The following CDH13 variants were observed in gnomAD, a reference collection of about 807,000 sequenced individuals.
CDH13 encodes cadherin 13.
Under a neutral mutation model 63.8 loss-of-function variants are expected in CDH13, and 24 were observed. The observed-to-expected ratio is 0.38, with a 90% CI of 0.27 to 0.53. The LOEUF (loss-of-function observed/expected upper bound fraction) is 0.53. Among genes scored for constraint, CDH13 ranks in the 20% least tolerant of loss-of-function variants. The pLI is 0.85. For missense variants in CDH13, 1,049 were observed against 903.1 expected (o/e 1.16, Z -2.07); for synonymous variants, 503 against 355.3 (o/e 1.42, Z -4.67).
At chr16:82,764,815 C>CT (rs567333858) in intron 1 of CDH13, among the ~76,000 whole-genome samples, 9,041 of 135,212 alleles carry the variant, frequency 0.067, 450 homozygotes, top group East Asian at 0.28. Flanking sequence ...TTCATTCATT[C>CT]TTTTTTTTTT....
chr16:83,597,905 G>C (rs1907424503), intron 7 of CDH13, among the ~76,000 whole-genome samples: 1 of 152,126 alleles, frequency 6.6e-6, no homozygotes, highest in South Asian at 2.1e-4. Context: ...GCTAAGCTTT[G>C]ATTTATTTTA....
In CDH13 at chr16:83,030,789, T is replaced by G. The variant is rs543845739; in HGVS notation, c.158-1221T>G. On this transcript the variant is annotated intron_variant, in intron 2 of 13. Transcript: ENST00000567109. ...CGTCCAGGGCTACCAGAAAGCACCA[T>G]AACTTACTGGCTTTTCCCAACTTGT... is the stretch of plus-strand genomic sequence containing the variant. Among the ~76,000 whole-genome samples the G allele has an allele frequency of 2.0e-4, 31 of 151,546 alleles. No individual in the cohort carries two copies. In the South Asian group the frequency reaches 6.3e-3, roughly 31 times the overall value.
chr16:83,475,313 C>T (rs771066374), intron 6 of CDH13, among the ~76,000 whole-genome samples: 14 of 152,162 alleles, frequency 9.2e-5, no homozygotes, highest in Non-Finnish European at 1.8e-4. Flanking sequence ...CTGACTGAAG[C>T]GTTCAATGAG....
chr16:83,353,529 C>G (rs991606739), intron 6 of CDH13, among the ~76,000 whole-genome samples: 2 of 152,234 alleles, frequency 1.3e-5, no homozygotes, highest in Non-Finnish European at 2.9e-5. Flanking sequence ...GAGTATCTAA[C>G]CAACCAACAG....
At chr16:83,727,221 T>C (rs1397786519) in intron 10 of CDH13, among the ~76,000 whole-genome samples, 1 of 152,120 alleles carries the variant, frequency 6.6e-6, no homozygotes, top group Admixed American at 6.5e-5. Context: ...ACCAGCTTCC[T>C]GTCTCTGTGG....
chr16:82,851,291 T>G (rs1467989071), intron 1 of CDH13, among the ~76,000 whole-genome samples: 1 of 151,872 alleles, frequency 6.6e-6, no homozygotes. Flanking sequence ...AAAAATTAGC[T>G]GGGCATAGTG....
chr16:82,839,653 G>A (rs2038924899), intron 1 of CDH13, among the ~76,000 whole-genome samples: 1 of 152,278 alleles, frequency 6.6e-6, no homozygotes, highest in East Asian at 1.9e-4. Context: ...GCCAGATGGG[G>A]TCTGTGGCCA....
intron 4 of CDH13, among the ~76,000 whole-genome samples, chr16:83,205,591 C>A (rs73606382): frequency 0.039 from 5,578 of 143,672 alleles, 322 homozygotes; most frequent in African/African-American, 0.13. Context: ...AAATGGTGCC[C>A]AAGAGGAAAA....
At chr16:82,694,689 A>C (rs2030041972) in intron 1 of CDH13, among the ~76,000 whole-genome samples, 1 of 152,156 alleles carries the variant, frequency 6.6e-6, no homozygotes, top group African/African-American at 2.4e-5. Flanking sequence ...TCCAAATATA[A>C]ATAAGGACCT....
At chr16:83,246,921 G>A (rs1905049954) in intron 5 of CDH13, among the ~76,000 whole-genome samples, 1 of 152,196 alleles carries the variant, frequency 6.6e-6, no homozygotes, top group Non-Finnish European at 1.5e-5. Context: ...CTTCTCTAAT[G>A]CAGCTCTCTG....
intron 10 of CDH13, among the ~76,000 whole-genome samples, chr16:83,681,736 C>G (rs1598469114): frequency 2.6e-5 from 4 of 152,336 alleles, no homozygotes. Flanking sequence ...ATCCTGCACA[C>G]TGAGAAGTGC....
chr16:83,630,483 G>C (rs112265069), intron 8 of CDH13, among the ~76,000 whole-genome samples: 1 of 152,302 alleles, frequency 6.6e-6, no homozygotes, highest in Admixed American at 6.5e-5. Flanking sequence ...GAGAGTGGGC[G>C]ATCAGGGAGC....
rs1360511908 is a variant in CDH13, at chr16:83,687,344, G to A, written c.1538+8883G>A. Among the ~76,000 whole-genome samples, 14 of 152,314 alleles carry A rather than the reference G, an allele frequency of 9.2e-5. No homozygotes were observed. In the East Asian group the frequency reaches 9.6e-4, roughly 10 times the overall value. On this transcript the variant is annotated intron_variant, in intron 10 of 13. Transcript: ENST00000567109. ...GCTCTGCAGGCTATATAGGAAGCAT[G>A]GCAGCATCCACTCAGCTTTTGGGGA...
chr16:82,865,683 T>C (rs1210116643), intron 2 of CDH13, among the ~76,000 whole-genome samples: 1 of 152,218 alleles, frequency 6.6e-6, no homozygotes, highest in Non-Finnish European at 1.5e-5. Flanking sequence ...ACCTCTGAGA[T>C]GCCCTGGAGA....
chr16:83,000,248 T>A (rs1309719630), intron 2 of CDH13, among the ~76,000 whole-genome samples: 5 of 124,098 alleles, frequency 4.0e-5, no homozygotes, highest in African/African-American at 9.0e-5. Flanking sequence ...TTTTTTTTTT[T>A]TTTTTTTTTT....
chr16:82,930,544 T>C (rs1013707498), intron 2 of CDH13, among the ~76,000 whole-genome samples: 1 of 152,218 alleles, frequency 6.6e-6, no homozygotes, highest in African/African-American at 2.4e-5. Context: ...ATTTTATTTT[T>C]TTAGAAATAA....
rs536385390 is a variant in CDH13 at position 83,360,181 on chromosome 16, C to T, written c.781+15175C>T. Among the ~76,000 whole-genome samples, 25 of 152,292 alleles carry T rather than the reference C, an allele frequency of 1.6e-4. 1 individual carries two copies. The East Asian group carries it at 3.1e-3, about 19-fold the overall frequency. On this transcript the variant is annotated intron_variant, in intron 6 of 13. Coordinates refer to ENST00000567109, the MANE Select transcript of CDH13 (RefSeq NM_001257.5). The stretch of plus-strand genomic sequence containing the variant: ...AATTTGCTCTCGCCATAGGAAATAT[C>T]GCTTTAGCTTGTGCAGATGAATATG...
chr16:83,422,577 G>A (rs2071750051), intron 6 of CDH13, among the ~76,000 whole-genome samples: 1 of 152,154 alleles, frequency 6.6e-6, no homozygotes, highest in South Asian at 2.1e-4. Flanking sequence ...CTGGTGTCTG[G>A]TTCAAAAATT....
chr16:83,776,667 A>C lies in CDH13; in HGVS notation c.1682-3301A>C, dbSNP rs7204011. Among the ~76,000 whole-genome samples the C allele has an allele frequency of 9.5e-3, 1,453 of 152,288 alleles. 20 individuals are homozygous for C. The highest frequency in any genetic ancestry group is 0.033 in the African/African-American group (1,383 of 41,536). On this transcript the variant is annotated intron_variant, in intron 11 of 13. Coordinates refer to ENST00000567109, the MANE Select transcript of CDH13 (RefSeq NM_001257.5). ...TTCCCCGTTAACAGAAACCTCTTCC[A>C]AAAGTGTCACCAGTAACATTCTCCT...
Sources: gnomAD v4.1 joint callset for allele counts (sites outside exome capture counted in the v4.1 genomes callset) on GRCh38, gnomAD v4.1.1 for gene constraint, MANE v1.5 for transcripts, NCBI Gene and HGNC (gene_info 2026-07-23, HGNC 2026-07-21) for gene names.